PLEKHG1: variants seen among roughly 807,000 people sequenced by gnomAD.
PLEKHG1 encodes pleckstrin homology domain-containing family G member 1.
Under a neutral mutation model 100.8 loss-of-function variants are expected in PLEKHG1, and 44 were observed. The ratio of observed to expected loss-of-function variants is 0.44; its 90% CI spans 0.34 to 0.56. The LOEUF (loss-of-function observed/expected upper bound fraction) is 0.56, where lower values mean the gene tolerates loss of function less well. Among genes scored for constraint, PLEKHG1 ranks in the 20% least tolerant of loss-of-function variants. The pLI is 0.01. For synonymous variants in PLEKHG1, 640 were observed against 662.5 expected, an observed-to-expected ratio of 0.97 and a Z score of 0.52; for missense variants, 1,545 against 1,720.9, an observed-to-expected ratio of 0.90 and a Z score of 1.81.
intron 3 of PLEKHG1, among the ~76,000 whole-genome samples, chr6:150,783,155 T>A (rs901453983): frequency 2.5e-3 from 155 of 61,102 alleles, no homozygotes; most frequent in East Asian, 7.6e-3. Context: ...ATAAAAGAAA[T>A]GGGGAAAAAA....
intron 2 of PLEKHG1, among the ~76,000 whole-genome samples, chr6:150,739,859 A>G (rs1782760312): frequency 6.6e-6 from 1 of 152,160 alleles, no homozygotes; most frequent in African/African-American, 2.4e-5. Context: ...CTCTTTGTTT[A>G]TTGAGTGATC....
chr6:150,816,689 G>T (rs536502024), intron 10 of PLEKHG1, among the ~76,000 whole-genome samples: 2 of 152,200 alleles, frequency 1.3e-5, no homozygotes, highest in African/African-American at 2.4e-5. Context: ...CACTTGCCAC[G>T]ATAAAGCCTG....
chr6:150,740,679 T>C (rs1257503824), intron 2 of PLEKHG1, among the ~76,000 whole-genome samples: 2 of 152,236 alleles, frequency 1.3e-5, no homozygotes, highest in Non-Finnish European at 1.5e-5. Flanking sequence ...GAACTTACAC[T>C]GTGGTACTTG....
intron 3 of PLEKHG1, among the ~76,000 whole-genome samples, chr6:150,772,104 G>C (rs766429214): frequency 1.3e-5 from 2 of 152,186 alleles, no homozygotes; most frequent in Non-Finnish European, 2.9e-5. Flanking sequence ...TCCAGCATGG[G>C]GAAAGGGGAG....
At chr6:150,813,492 C>T (rs1357256252) in intron 10 of PLEKHG1, among the ~76,000 whole-genome samples, 1 of 142,520 alleles carries the variant, frequency 7.0e-6, no homozygotes, top group Non-Finnish European at 1.5e-5. Flanking sequence ...GGTTGGGAAC[C>T]GGCAGAGCTG....
intron 8 of PLEKHG1, 30 bp downstream of exon 9, chr6:150,809,317 A>AC: frequency 1.2e-6 from 2 of 1,611,560 alleles, no homozygotes; most frequent in Non-Finnish European, 1.7e-6. Context: ...ATGGGCAGGG[A>AC]CTCAGATCCC....
chr6:150,831,274 C>G lies in PLEKHG1; in HGVS notation c.2163C>G (p.Leu721=), dbSNP rs1236836927. The change falls in exon 15 of 16, where the codon CTC becomes CTG. Residue 721 remains leucine, a synonymous_variant. Transcript: ENST00000358517. This position sits in a 1 kb window ranked among gnomAD's most constrained non-coding sequence, Gnocchi z 4.1. Reference sequence around the variant, plus strand: ...TTTACGCACAAACAGATGGCACCCTCTCAGGTGGAGAGGCATCCAGCCAAA... The same window carrying G: ...TTTACGCACAAACAGATGGCACCCTGTCAGGTGGAGAGGCATCCAGCCAAA... 4 of 1,614,172 alleles carry G rather than the reference C, an allele frequency of 2.5e-6. No individual in the cohort carries two copies. Among genetic ancestry groups the G allele is most frequent in the Non-Finnish European group, 1.7e-6 (2 of 1,180,026 alleles).
At chr6:150,626,819 T>C (rs1777531133) in intron 1 of PLEKHG1, among the ~76,000 whole-genome samples, 2 of 152,306 alleles carry the variant, frequency 1.3e-5, no homozygotes, top group South Asian at 4.1e-4. Flanking sequence ...TGTATGTGTA[T>C]GTGTGTGTGC....
intron 3 of PLEKHG1, chr6:150,687,133 G>A (rs935554058): frequency 1.3e-5 from 2 of 152,514 alleles, no homozygotes; most frequent in African/African-American, 4.8e-5. Flanking sequence ...CATAAATTGT[G>A]ACTAATTTTA....
chr6:150,672,258 C>G (rs1004833784), intron 3 of PLEKHG1, among the ~76,000 whole-genome samples: 12 of 152,322 alleles, frequency 7.9e-5, no homozygotes, highest in Non-Finnish European at 1.3e-4. Context: ...GTACTCCCTC[C>G]TTCTCTCTAT....
intron 1 of PLEKHG1, among the ~76,000 whole-genome samples, chr6:150,733,345 C>T (rs1006734110): frequency 1.3e-5 from 2 of 152,146 alleles, no homozygotes; most frequent in African/African-American, 4.8e-5. Flanking sequence ...AAAGTGCACA[C>T]TCAAGTTCAG....
At chr6:150,622,478 A>G (rs1777338992) in intron 1 of PLEKHG1, among the ~76,000 whole-genome samples, 1 of 152,144 alleles carries the variant, frequency 6.6e-6, no homozygotes, top group African/African-American at 2.4e-5. Flanking sequence ...CTTCCCAGGC[A>G]GCATAGAGCC....
chr6:150,755,941 G>T (rs71570236), intron 2 of PLEKHG1, among the ~76,000 whole-genome samples: 21,281 of 152,036 alleles, frequency 0.14, 165 homozygotes, highest in African/African-American at 0.3. Flanking sequence ...GATAGAAGCT[G>T]CATTTACTAC....
At chr6:150,752,363 C>T (rs973138409) in intron 2 of PLEKHG1, among the ~76,000 whole-genome samples, 4 of 152,032 alleles carry the variant, frequency 2.6e-5, no homozygotes, top group African/African-American at 9.7e-5. Flanking sequence ...CACAATGTTG[C>T]CCAACTATGG....
chr6:150,827,097 G>A (rs754830106), intron 14 of PLEKHG1, among the ~76,000 whole-genome samples: 2 of 147,028 alleles, frequency 1.4e-5, no homozygotes, highest in Non-Finnish European at 3.0e-5. Flanking sequence ...GTCTCACCAT[G>A]TTGCCCAGGC....
intron 1 of PLEKHG1, among the ~76,000 whole-genome samples, chr6:150,634,280 G>GAA (rs10693410): frequency 0.052 from 7,513 of 144,618 alleles, 726 homozygotes; most frequent in African/African-American, 0.19. Context: ...AGAGGAAGAA[G>GAA]AAAAAAAAAA....
At chr6:150,755,960 G>A (rs1220483145) in intron 2 of PLEKHG1, among the ~76,000 whole-genome samples, 3 of 151,996 alleles carry the variant, frequency 2.0e-5, no homozygotes, top group African/African-American at 7.3e-5. Flanking sequence ...ACAAGAAAAA[G>A]CAGAGGGCAC....
At chr6:150,782,014 G>A (rs796206169) in intron 3 of PLEKHG1, among the ~76,000 whole-genome samples, 4 of 151,848 alleles carry the variant, frequency 2.6e-5, no homozygotes, top group Admixed American at 6.6e-5. Context: ...TCCTGACCTC[G>A]TGATCCACCC....
chr6:150,761,756 C>T, intron 2 of PLEKHG1, among the ~76,000 whole-genome samples: 1 of 152,120 alleles, frequency 6.6e-6, no homozygotes, highest in East Asian at 1.9e-4. Context: ...ACAAATATTC[C>T]TAATTGTCTT....
Sources: allele counts gnomAD v4.1 joint callset (sites outside exome capture counted in the v4.1 genomes callset), GRCh38; gene constraint gnomAD v4.1.1; non-coding constraint Gnocchi (gnomAD v3.1); transcripts MANE v1.5; gene names NCBI Gene and HGNC (gene_info 2026-07-23, HGNC 2026-07-21).